The following CFAP74 variants were observed in gnomAD, a reference collection of about 807,000 sequenced individuals.
CFAP74 encodes cilia and flagella associated protein 74.
In CFAP74, 124 loss-of-function variants were observed where a neutral mutation model predicts 188.9. The ratio of observed to expected loss-of-function variants is 0.66; its 90% CI spans 0.57 to 0.76. The LOEUF (loss-of-function observed/expected upper bound fraction) is 0.76, where lower values mean the gene tolerates loss of function less well. CFAP74 is among the 30% of genes least tolerant of loss of function. CFAP74 has a pLI of 0.00. For missense variants in CFAP74, 2,198 were observed against 2,165.2 expected (o/e 1.02, Z -0.30); for synonymous variants, 956 against 916.7 (o/e 1.04, Z -0.77).
chr1:1,961,663 C>T (rs1345524361), intron 14 of CFAP74, among the ~76,000 whole-genome samples: 2 of 152,128 alleles, frequency 1.3e-5, no homozygotes, highest in African/African-American at 2.4e-5. Context: ...TTCAGCATGA[C>T]TAGAGGACAC....
chr1:1,927,809 G>T, intron 27 of CFAP74, 63 bp from the exon 28 acceptor site: 2 of 1,501,884 alleles, frequency 1.3e-6, no homozygotes, highest in Non-Finnish European at 1.8e-6. Context: ...GCTGTGCCCC[G>T]TGGCTCCTCT....
intron 6 of CFAP74, among the ~76,000 whole-genome samples, chr1:1,977,582 C>T (rs1192252949): frequency 6.6e-6 from 1 of 152,214 alleles, no homozygotes; most frequent in African/African-American, 2.4e-5. Context: ...CCAATCTACA[C>T]AGCAGGACGT....
chr1:1,922,193 A>T lies in CFAP74; in HGVS notation c.*94T>A. The T allele has an allele frequency of 1.1e-6, 1 of 917,004 alleles. No homozygotes were observed. Among genetic ancestry groups the T allele is most frequent in the Non-Finnish European group, 1.7e-6 (1 of 585,106 alleles). The allele number at this position is 917,004 out of a possible 1,614,324, so 56.8% of individuals were successfully genotyped here. On this transcript the variant is annotated 3_prime_UTR_variant, in exon 39 of 39. Coordinates refer to ENST00000682832, the MANE Select transcript of CFAP74 (RefSeq NM_001304360.2). ...TATTGGAATCTGGCAGAGGATGGCC[A>T]GGTCCCAGGCTCTAGGGTAGTATGA... is the stretch of plus-strand genomic sequence containing the variant.
In CFAP74 at chr1:1,925,792, T is replaced by G; in HGVS notation, c.4095A>C (p.Ser1365=). 1 of 1,611,782 alleles carries G rather than the reference T, an allele frequency of 6.2e-7. No homozygotes were observed. The highest frequency in any genetic ancestry group is 1.1e-5 in the South Asian group (1 of 91,012). The change falls in exon 33 of 39, where the codon TCA becomes TCC. Residue 1365 remains serine, a synonymous_variant. Transcript: ENST00000682832. ...CCCACGTGTGCTTCACCTTGAAGCC[T>G]GAGGACACAGACTCTCCGGCAATCA... The part of the protein sequence containing the change: ...GYVIAGESVS[S]GFKLQNNSLL...
At chr1:1,993,050 A>G (rs1657683729) in intron 1 of CFAP74, among the ~76,000 whole-genome samples, 1 of 151,162 alleles carries the variant, frequency 6.6e-6, no homozygotes, top group Non-Finnish European at 1.5e-5. Flanking sequence ...AAAATACAAA[A>G]ACTAGCCAGG....
chr1:1,959,855 A>G lies in CFAP74; in HGVS notation c.1761+109T>C, dbSNP rs147700926. 701 of 896,832 alleles carry G rather than the reference A, an allele frequency of 7.8e-4. 2 individuals are homozygous for G. The African/African-American group carries it at 0.011, about 14-fold the overall frequency. The allele number at this position is 896,832 out of a possible 1,614,324, so 55.6% of individuals were successfully genotyped here. A position where few individuals can be genotyped will look rare whatever the true frequency, so the allele number is the denominator to read the frequency against. The stretch of plus-strand genomic sequence containing the variant: ...ACAGGGGCCTGCGTGATCCTCACTG[A>G]GAGGCCAAGTGCATCCTTCCCCCAT... On this transcript the variant is annotated intron_variant, in intron 15 of 38. Transcript: ENST00000682832.
At chr1:1,970,213 C>G (rs957963551) in intron 10 of CFAP74, among the ~76,000 whole-genome samples, 2 of 152,210 alleles carry the variant, frequency 1.3e-5, no homozygotes, top group Non-Finnish European at 2.9e-5. Flanking sequence ...GCCCCAAGGC[C>G]GTGGCAGCAG....
At chr1:1,969,839 G>A (rs776231569) in intron 10 of CFAP74, among the ~76,000 whole-genome samples, 7 of 152,336 alleles carry the variant, frequency 4.6e-5, no homozygotes, top group East Asian at 1.9e-4. Context: ...AGGAGCCCCC[G>A]CCCAGGCAGA....
At chr1:1,932,333 C>T (rs891928043) in intron 25 of CFAP74, among the ~76,000 whole-genome samples, 2 of 144,598 alleles carry the variant, frequency 1.4e-5, no homozygotes, top group African/African-American at 2.6e-5. Context: ...GGAGGCGGAG[C>T]TTGCAGTGAG....
In CFAP74 at chr1:1,923,470, A is replaced by C. The variant is rs752508685; in HGVS notation, c.4419T>G (p.Gly1473=). 8.1e-6 allele frequency: 13 copies of C among 1,611,660 alleles called. No homozygotes were observed. Among genetic ancestry groups the C allele is most frequent in the Non-Finnish European group, 1.0e-5 (12 of 1,179,380 alleles). Residue 1473 remains glycine, a synonymous_variant, in exon 36 of 39, where the codon GGT becomes GGG. Coordinates refer to ENST00000682832, the MANE Select transcript of CFAP74 (RefSeq NM_001304360.2). This position sits in a 1 kb window ranked among gnomAD's most constrained non-coding sequence, Gnocchi z 6.3. The stretch of plus-strand genomic sequence containing the variant: ...CGAACATCATGTGCTGACAGGCGGC[A>C]CCCTTCAGCAGGATCTGGTGGGAGA... ...KKISHQILLK[G]AACQHMMFVE...
At chr1:1,992,754 G>A (rs992682718) in intron 1 of CFAP74, among the ~76,000 whole-genome samples, 8 of 151,930 alleles carry the variant, frequency 5.3e-5, no homozygotes, top group African/African-American at 1.9e-4. Context: ...GATTACAGGC[G>A]TGAGCCACCA....
In CFAP74 at chr1:1,944,414, C is replaced by T. The variant is rs527532856; in HGVS notation, c.2403G>A (p.Pro801=). Residue 801 remains proline (P), a synonymous_variant, in exon 21 of 39, where the codon CCG becomes CCA. Transcript: ENST00000682832. Reference sequence around the variant, plus strand: ...CCACGCTGGGCTTCGGCACCCAGACCGGCACATCGATGGCCACGCCCACGA... The same window carrying T: ...CCACGCTGGGCTTCGGCACCCAGACTGGCACATCGATGGCCACGCCCACGA... ...FRVVGVAIDV[P]VWVPKPSVDL... is the part of the protein sequence containing the mutation. 35 of 1,536,108 alleles carry T rather than the reference C, an allele frequency of 2.3e-5. No individual in the cohort carries two copies. In the African/African-American group the frequency reaches 2.6e-4, roughly 11 times the overall value.
At chr1:1,945,815 G>A (rs1252558573) in intron 20 of CFAP74, among the ~76,000 whole-genome samples, 6 of 144,078 alleles carry the variant, frequency 4.2e-5, no homozygotes, top group African/African-American at 1.5e-4. Context: ...GTGACAGAAC[G>A]AGACCCTAAC....
Position 1,988,892 on chromosome 1 carries a change from C to T in CFAP74, c.149G>A (p.Ser50Asn). ...EAEDDVDPGHSSSVKELDTDA... is the reference protein window; with the variant it reads ...EAEDDVDPGHNSSVKELDTDA... ...CACCCCCGATCCTCCGAGTTACCTG[C>T]TGTGTCCCGGGTCCACGTCATCCTC... The change falls in exon 3 of 39, where the codon AGC becomes AAC. Residue 50 changes from serine to asparagine, a missense_variant. Transcript: ENST00000682832. 6.9e-7 allele frequency: 1 copy of T among 1,459,794 alleles called. No homozygotes were observed. 90.4% of individuals were successfully genotyped at this position (1,459,794 alleles called of 1,614,324 possible).
Position 1,922,697 on chromosome 1 carries a change from G to C in CFAP74, c.4710C>G (p.Val1570=). ...KKTVEFSIDS[V]ASLQHKGFSI... ...AGAAACCCTTGTGCTGCAGGGATGC[G>C]ACGCTGTCTATGCTGAACTCAACGG... Residue 1570 remains valine, a synonymous_variant, in exon 38 of 39, where the codon GTC becomes GTG. Coordinates refer to ENST00000682832, the MANE Select transcript of CFAP74 (RefSeq NM_001304360.2). 1 of 1,601,702 alleles carries C rather than the reference G, an allele frequency of 6.2e-7. No homozygotes were observed. Among genetic ancestry groups the C allele is most frequent in the Admixed American group, 1.7e-5 (1 of 59,614 alleles).
chr1:1,960,159 G>T, intron 14 of CFAP74, 129 bp from the exon 15 acceptor site: 1 of 755,086 alleles, frequency 1.3e-6, no homozygotes, highest in Non-Finnish European at 2.2e-6. Flanking sequence ...CCCCTGCCCA[G>T]CCGCCTTCAC....
In CFAP74 at chr1:1,959,949, G is replaced by A; in HGVS notation, c.1761+15C>T. 7 of 1,577,810 alleles carry A rather than the reference G, an allele frequency of 4.4e-6. No individual in the cohort carries two copies. Among genetic ancestry groups the A allele is most frequent in the Non-Finnish European group, 6.0e-6 (7 of 1,163,642 alleles). ...CCACCTCCCCTTCGAGAGAGAACGG[G>A]CCCCTCTGACTCACCATCGGCTTGA... On this transcript the variant is annotated intron_variant, in intron 15 of 38. Coordinates refer to ENST00000682832, the MANE Select transcript of CFAP74 (RefSeq NM_001304360.2).
Position 1,947,019 on chromosome 1 carries a change from C to G in CFAP74, c.2212G>C (p.Glu738Gln). 7.2e-6 allele frequency: 11 copies of G among 1,536,090 alleles called. No homozygotes were observed. Among genetic ancestry groups the G allele is most frequent in the Non-Finnish European group, 9.6e-6 (11 of 1,146,828 alleles). Residue 738 changes from glutamate (E) to glutamine (Q), a missense_variant, in exon 19 of 39, where the codon GAA becomes CAA. Physicochemically the swap from Glu to Gln is conservative, Grantham distance 29. Transcript: ENST00000682832. ...CCCAGCGTGATCTCCGTCTGCTCTTCGCTGGGAGGTATCACTGTGGTTAAT... is the reference window on the plus strand; with the variant it reads ...CCCAGCGTGATCTCCGTCTGCTCTTGGCTGGGAGGTATCACTGTGGTTAAT... Reference protein sequence around the residue: ...ERLTTVIPPSEEQTEITLGEV... With the variant: ...ERLTTVIPPSQEQTEITLGEV...
intron 18 of CFAP74, among the ~76,000 whole-genome samples, chr1:1,949,049 T>TC (rs1442887974): frequency 2.5e-5 from 2 of 78,748 alleles, no homozygotes; most frequent in Non-Finnish European, 5.1e-5. Flanking sequence ...CTTCCTTCCC[T>TC]CCTTTCCTTC....
Sources: gnomAD v4.1 joint callset for allele counts (sites outside exome capture counted in the v4.1 genomes callset) on GRCh38, gnomAD v4.1.1 for gene constraint, Gnocchi (gnomAD v3.1) non-coding constraint, MANE v1.5 for transcripts, NCBI Gene and HGNC (gene_info 2026-07-23, HGNC 2026-07-21) for gene names.